Variants in TLE3 observed in about 807,000 individuals in gnomAD.
TLE3 encodes the protein TLE family member 3, transcriptional corepressor.
In TLE3, 14 loss-of-function variants were observed where a neutral mutation model predicts 93.0. The observed-to-expected ratio is 0.15, with a 90% CI of 0.10 to 0.24. TLE3 has a LOEUF of 0.24. Among genes scored for constraint, TLE3 ranks in the 10% least tolerant of loss-of-function variants. The probability of loss-of-function intolerance (pLI) is 1.00; values close to 1 mark genes in which losing one functional copy is unlikely to be tolerated. For synonymous variants in TLE3, 451 were observed against 425.0 expected (o/e 1.06, Z -0.75); for missense variants, 693 against 1,046.6 (o/e 0.66, Z 4.66).
Position 70,051,487 on chromosome 15 carries a change from G to T in TLE3, c.2126-20C>A, listed in dbSNP as rs555684786. The T allele has an allele frequency of 6.3e-7, 1 of 1,595,082 alleles. No individual in the cohort carries two copies. Among genetic ancestry groups the T allele is most frequent in the Non-Finnish European group, 8.5e-7 (1 of 1,170,270 alleles). ...ACTTGCCTGCAGGTGGGAGGCAAAG[G>T]CATGATCAGGTTGTAGCTCACTGCC... On this transcript the variant is annotated intron_variant, in intron 18 of 19. Transcript: ENST00000451782.
chr15:70,073,242 G>A (rs1023466225), intron 6 of TLE3, among the ~76,000 whole-genome samples: 1 of 152,164 alleles, frequency 6.6e-6, no homozygotes, highest in African/African-American at 2.4e-5. Flanking sequence ...GCCGGTGTAC[G>A]TTCTCCCTTT....
At chr15:70,057,235 G>A (rs551836457) in intron 13 of TLE3, among the ~76,000 whole-genome samples, 145 of 152,352 alleles carry the variant, frequency 9.5e-4, no homozygotes, top group African/African-American at 3.4e-3. Context: ...TGAGGTCACA[G>A]GGCGGCTCAC....
Position 70,097,474 on chromosome 15 carries a change from T to C in TLE3, c.-676A>G, listed in dbSNP as rs1049149991. 51 of 414,894 alleles carry C rather than the reference T, an allele frequency of 1.2e-4. No individual in the cohort carries two copies. The highest frequency in any genetic ancestry group is 2.2e-4 in the Admixed American group (5 of 23,010). 25.7% of individuals were successfully genotyped at this position (414,894 alleles called of 1,614,324 possible). A position where few individuals can be genotyped will look rare whatever the true frequency, so the allele number is the denominator to read the frequency against. ...CCGCTGCCGCCGCCGCCGCCGCCGC[T>C]GCAAGCCCTTCCCAGGGCCGGGGAG... On this transcript the variant is annotated 5_prime_UTR_variant, in exon 1 of 20. Transcript: ENST00000451782.
At chr15:70,051,657 G>A (rs2055556952) in intron 18 of TLE3, among the ~76,000 whole-genome samples, 190 bp from the exon 19 acceptor site, 1 of 152,040 alleles carries the variant, frequency 6.6e-6, no homozygotes, top group Admixed American at 6.6e-5. Context: ...CTGAAATCCA[G>A]GGGGAGGGCT....
At position 70,050,008 on chromosome 15, in the gene TLE3, G is replaced by T; in HGVS notation, c.*89C>A. On this transcript the variant is annotated 3_prime_UTR_variant, in exon 20 of 20. Transcript: ENST00000451782. Reference sequence around the variant, plus strand: ...CTCGGCTGCCTGCGGCCCATCCTCCGCCATCCTCGGGGCCCCTCGCCTGGG... The same window carrying T: ...CTCGGCTGCCTGCGGCCCATCCTCCTCCATCCTCGGGGCCCCTCGCCTGGG... The T allele has an allele frequency of 8.8e-7, 1 of 1,139,756 alleles. No individual in the cohort carries two copies. The highest frequency in any genetic ancestry group is 1.3e-6 in the Non-Finnish European group (1 of 763,186). 70.6% of individuals were successfully genotyped at this position (1,139,756 alleles called of 1,614,324 possible). A position where few individuals can be genotyped will look rare whatever the true frequency, so the allele number is the denominator to read the frequency against.
chr15:70,089,539 G>T (rs752531630), intron 4 of TLE3, among the ~76,000 whole-genome samples: 1 of 152,186 alleles, frequency 6.6e-6, no homozygotes, highest in East Asian at 1.9e-4. Context: ...AGGGCTCAGG[G>T]AATCGGAACT....
intron 16 of TLE3, 102 bp downstream of exon 16, chr15:70,054,334 CCA>C: frequency 3.3e-6 from 5 of 1,506,886 alleles, no homozygotes; most frequent in Non-Finnish European, 4.5e-6. Flanking sequence ...TCTGGCCACC[CCA>C]CAGTGCCTCA....
chr15:70,052,580 G>C, intron 17 of TLE3, 56 bp from the exon 18 acceptor site: 1 of 1,563,892 alleles, frequency 6.4e-7, no homozygotes, highest in South Asian at 1.2e-5. Context: ...CCCTCAAGAG[G>C]AGGGCGGCTC....
rs2055262085 is a variant in TLE3, at chr15:70,048,635, A to G, written c.*1462T>C. 2 of 149,780 alleles carry G rather than the reference A, an allele frequency of 1.3e-5. No individual in the cohort carries two copies. The highest frequency in any genetic ancestry group is 2.4e-5 in the African/African-American group (1 of 40,932). 9.3% of individuals were successfully genotyped at this position (149,780 alleles called of 1,614,324 possible). A position where few individuals can be genotyped will look rare whatever the true frequency, so the allele number is the denominator to read the frequency against. ...AGCTTTTCTTTAAAAGGAGAAAAAA[A>G]AAAAGACCAAAAGGAAAAAAAAAAC... On this transcript the variant is annotated 3_prime_UTR_variant, in exon 20 of 20. Coordinates refer to ENST00000451782, the MANE Select transcript of TLE3 (RefSeq NM_001105192.3).
At chr15:70,054,351 G>A (rs2055829029) in intron 16 of TLE3, 87 bp downstream of exon 16, 30 of 1,539,074 alleles carry the variant, frequency 1.9e-5, no homozygotes, top group Non-Finnish European at 2.5e-5. Context: ...GCCTCAGACA[G>A]GGCCAAGGTC....
Position 70,097,239 on chromosome 15 carries a change from G to C in TLE3, c.-441C>G, listed in dbSNP as rs987099583. The C allele has an allele frequency of 7.5e-6, 3 of 401,328 alleles. No individual in the cohort carries two copies. The highest frequency in any genetic ancestry group is 1.3e-5 in the Non-Finnish European group (3 of 228,778). The allele number at this position is 401,328 out of a possible 1,614,324, so 24.9% of individuals were successfully genotyped here. A position where few individuals can be genotyped will look rare whatever the true frequency, so the allele number is the denominator to read the frequency against. On this transcript the variant is annotated 5_prime_UTR_variant, in exon 1 of 20. Transcript: ENST00000451782. ...CTCAGCGGGTCGCGCCTGTAGGGGG[G>C]CGCGCCGGGGCAGCCCCAAGCATCC...
chr15:70,053,577 T>A (rs1328390913), intron 16 of TLE3: 3 of 507,196 alleles, frequency 5.9e-6, no homozygotes, highest in African/African-American at 5.8e-5. Context: ...ACGGAAGGGT[T>A]TGCCCAGGGA....
rs909091087 is a variant in TLE3, at chr15:70,049,479, T to TGAG, written c.*617_*618insCTC. Reference sequence around the variant, plus strand: ...TCTTTCTTCAATTGGTTCCCCTCCCTGTCTCCTCTTCCCAGGTGAGAGCAT... The same window carrying TGAG: ...TCTTTCTTCAATTGGTTCCCCTCCCTGAGGTCTCCTCTTCCCAGGTGAGAGCAT... On this transcript the variant is annotated 3_prime_UTR_variant, in exon 20 of 20. Transcript: ENST00000451782. 1.4e-5 allele frequency: 2 copies of TGAG among 147,056 alleles called. No individual in the cohort carries two copies. Among genetic ancestry groups the TGAG allele is most frequent in the Non-Finnish European group, 3.0e-5 (2 of 67,478 alleles). 9.1% of individuals were successfully genotyped at this position (147,056 alleles called of 1,614,324 possible). A position where few individuals can be genotyped will look rare whatever the true frequency, so the allele number is the denominator to read the frequency against.
intron 16 of TLE3, 79 bp from the exon 17 acceptor site, chr15:70,053,453 G>A (rs2055726652): frequency 1.3e-6 from 2 of 1,486,760 alleles, no homozygotes; most frequent in Middle Eastern, 1.8e-4. Context: ...GGGGCAGTCT[G>A]AGCAGAAGAG....
At chr15:70,073,625 C>T (rs189796300) in intron 6 of TLE3, among the ~76,000 whole-genome samples, 223 of 152,326 alleles carry the variant, frequency 1.5e-3, no homozygotes, top group African/African-American at 5.2e-3. Flanking sequence ...GTATCTGTAC[C>T]GTCCAGAAGC....
chr15:70,058,466 T>G lies in TLE3; in HGVS notation c.919-175A>C. The G allele has an allele frequency of 7.7e-7, 1 of 1,292,698 alleles. No homozygotes were observed. Among genetic ancestry groups the G allele is most frequent in the Non-Finnish European group, 1.1e-6 (1 of 945,596 alleles). The allele number at this position is 1,292,698 out of a possible 1,614,324, so 80.1% of individuals were successfully genotyped here. A position where few individuals can be genotyped will look rare whatever the true frequency, so the allele number is the denominator to read the frequency against. ...GTTTGGCAGGGACTGGGGTGATCAC[T>G]CCCATTTTACAGACGTAGCAACCGA... On this transcript the variant is annotated intron_variant, in intron 11 of 19. Coordinates refer to ENST00000451782, the MANE Select transcript of TLE3 (RefSeq NM_001105192.3). This position sits in a 1 kb window ranked among gnomAD's most constrained non-coding sequence, Gnocchi z 4.1.
At chr15:70,074,369 A>G (rs2057336409) in intron 6 of TLE3, 164 bp downstream of exon 6, 5 of 743,248 alleles carry the variant, frequency 6.7e-6, no homozygotes, top group East Asian at 3.1e-5. Flanking sequence ...AGGGGGAAAC[A>G]GCCCTACATG....
At chr15:70,055,434 A>C in intron 14 of TLE3, 136 bp from the exon 15 acceptor site, 2 of 1,270,098 alleles carry the variant, frequency 1.6e-6, no homozygotes, top group Non-Finnish European at 2.1e-6. Context: ...AACCATTCGA[A>C]CCCAGTAACC....
intron 4 of TLE3, among the ~76,000 whole-genome samples, chr15:70,081,654 C>A (rs1342399999): frequency 2.6e-5 from 4 of 152,214 alleles, no homozygotes; most frequent in Non-Finnish European, 4.4e-5. Context: ...GTGAGACAGG[C>A]AAGCGGCCAT....
Sources: gnomAD v4.1 joint callset for allele counts (sites outside exome capture counted in the v4.1 genomes callset) on GRCh38, gnomAD v4.1.1 for gene constraint, Gnocchi (gnomAD v3.1) non-coding constraint, MANE v1.5 for transcripts, NCBI Gene and HGNC (gene_info 2026-07-23, HGNC 2026-07-21) for gene names.